The following DNER variants were observed in gnomAD, a reference collection of about 807,000 sequenced individuals.
The protein encoded by DNER is delta/notch like EGF repeat containing.
A neutral mutation model predicts 78.2 loss-of-function variants in DNER; 33 were observed. The ratio of observed to expected loss-of-function variants is 0.42; its 90% CI spans 0.32 to 0.56. DNER has a LOEUF of 0.56. Ranked by LOEUF, DNER falls within the 20% of genes least tolerant of loss-of-function variation. The probability of loss-of-function intolerance (pLI) is 0.11; values close to 1 mark genes in which losing one functional copy is unlikely to be tolerated. For missense variants in DNER, 918 were observed against 975.3 expected, an observed-to-expected ratio of 0.94 and a Z score of 0.78; for synonymous variants, 417 against 384.8, an observed-to-expected ratio of 1.08 and a Z score of -0.98.
intron 1 of DNER, among the ~76,000 whole-genome samples, chr2:229,674,503 T>C (rs1256403009): frequency 6.6e-6 from 1 of 152,194 alleles, no homozygotes. Flanking sequence ...GGCCTCGAAC[T>C]CCTGACCTCA....
intron 11 of DNER, among the ~76,000 whole-genome samples, chr2:229,383,161 T>A (rs1692783200): frequency 6.6e-6 from 1 of 152,178 alleles, no homozygotes; most frequent in Non-Finnish European, 1.5e-5. Context: ...CCAGCCAACC[T>A]AAGTTTCGTA....
At chr2:229,451,081 G>A (rs1694445909) in intron 7 of DNER, among the ~76,000 whole-genome samples, 1 of 152,154 alleles carries the variant, frequency 6.6e-6, no homozygotes, top group Non-Finnish European at 1.5e-5. Flanking sequence ...AGTCACTGTG[G>A]GTTCTGAAAA....
intron 11 of DNER, among the ~76,000 whole-genome samples, chr2:229,368,243 G>T (rs546810434): frequency 6.6e-6 from 1 of 152,134 alleles, no homozygotes; most frequent in East Asian, 1.9e-4. Flanking sequence ...CATGCCTGTG[G>T]TCCTGGCTAC....
At position 229,463,039 on chromosome 2, in the gene DNER, G is replaced by GCTCACCCCTT. The variant is rs1043422289; in HGVS notation, c.1261+14091_1261+14100dup. On this transcript the variant is annotated intron_variant, in intron 7 of 12. Coordinates refer to ENST00000341772, the MANE Select transcript of DNER (RefSeq NM_139072.4). ...TTCTTATTCTGTATCACAGTACCCT[G>GCTCACCCCTT]CTCACCCCTTTCATAGCACTTTTAT... is the stretch of plus-strand genomic sequence containing the variant. 1.5e-3 allele frequency among the ~76,000 whole-genome samples: 230 copies of GCTCACCCCTT among 152,178 alleles called. 3 individuals are homozygous for GCTCACCCCTT. The highest frequency in any genetic ancestry group is 7.7e-4 in the East Asian group (4 of 5,182).
At chr2:229,410,738 T>A (rs1453375281) in intron 9 of DNER, among the ~76,000 whole-genome samples, 1 of 152,244 alleles carries the variant, frequency 6.6e-6, no homozygotes, top group Non-Finnish European at 1.5e-5. Context: ...AATTTTAGAA[T>A]TGAAATAAGC....
At chr2:229,571,041 G>T (rs563319428) in intron 4 of DNER, among the ~76,000 whole-genome samples, 1 of 152,172 alleles carries the variant, frequency 6.6e-6, no homozygotes, top group Non-Finnish European at 1.5e-5. Context: ...CAGTTGTAGG[G>T]GCCTGGGGTG....
Position 229,591,640 on chromosome 2 carries a change from C to T in DNER, c.525G>A (p.Leu175=). Residue 175 remains leucine (L), a synonymous_variant, in exon 2 of 13, where the codon CTG becomes CTA. Transcript: ENST00000341772. This position sits in a 1 kb window ranked among gnomAD's most constrained non-coding sequence, Gnocchi z 4.6. ...ILPRSQATVT[L]PTWQPKTGQK... ...GCCCTGTTTTCGGCTGCCAGGTAGG[C>T]AGTGTCACCGTTGCCTGAGAGCGAG... The T allele has an allele frequency of 6.2e-7, 1 of 1,614,182 alleles. No homozygotes were observed. Among genetic ancestry groups the T allele is most frequent in the Non-Finnish European group, 8.5e-7 (1 of 1,180,024 alleles).
intron 11 of DNER, among the ~76,000 whole-genome samples, chr2:229,378,160 G>C (rs989398578): frequency 1.3e-5 from 2 of 152,170 alleles, no homozygotes; most frequent in Non-Finnish European, 2.9e-5. Flanking sequence ...TTCTCCCCTA[G>C]AGCCTCCAGA....
At chr2:229,630,964 T>G (rs933283250) in intron 1 of DNER, among the ~76,000 whole-genome samples, 1 of 126,254 alleles carries the variant, frequency 7.9e-6, no homozygotes, top group African/African-American at 2.5e-5. Context: ...GGAAAGGACA[T>G]GATTTCATTC....
At chr2:229,573,339 GCA>G (rs1446261269) in intron 4 of DNER, among the ~76,000 whole-genome samples, 19 of 152,154 alleles carry the variant, frequency 1.2e-4, no homozygotes, top group Non-Finnish European at 2.9e-5. Context: ...AAGCAAGACA[GCA>G]TTTTCAAAAT....
At chr2:229,711,020 C>CAG (rs779224355) in intron 1 of DNER, among the ~76,000 whole-genome samples, 2 of 150,956 alleles carry the variant, frequency 1.3e-5, no homozygotes, top group African/African-American at 4.9e-5. Flanking sequence ...CACACACACA[C>CAG]AGGATACAAA....
At chr2:229,607,315 A>G (rs1414501090) in intron 1 of DNER, among the ~76,000 whole-genome samples, 1 of 152,200 alleles carries the variant, frequency 6.6e-6, no homozygotes, top group Admixed American at 6.5e-5. Flanking sequence ...TATATCTGGC[A>G]TGGTTCTCGT....
chr2:229,369,052 C>A (rs1464466363), intron 11 of DNER, among the ~76,000 whole-genome samples: 1 of 152,150 alleles, frequency 6.6e-6, no homozygotes, highest in Admixed American at 6.5e-5. Context: ...TGCTTTCAAT[C>A]CAGCTCCTAC....
At chr2:229,673,851 C>T (rs539771192) in intron 1 of DNER, among the ~76,000 whole-genome samples, 13 of 152,358 alleles carry the variant, frequency 8.5e-5, no homozygotes, top group East Asian at 3.9e-4. Flanking sequence ...CTGACGCATA[C>T]GGACAAACAC....
intron 5 of DNER, among the ~76,000 whole-genome samples, chr2:229,543,475 G>A (rs1049683847): frequency 3.9e-5 from 6 of 152,184 alleles, no homozygotes; most frequent in Admixed American, 6.5e-5. Context: ...AGGGCCACCC[G>A]TAATAAAAGA....
At chr2:229,640,179 T>C (rs757942107) in intron 1 of DNER, among the ~76,000 whole-genome samples, 4 of 152,234 alleles carry the variant, frequency 2.6e-5, no homozygotes, top group Non-Finnish European at 5.9e-5. Flanking sequence ...TATAAAAGGC[T>C]AATATCAGCC....
chr2:229,538,324 T>C (rs1277253777), intron 5 of DNER, among the ~76,000 whole-genome samples: 2 of 152,168 alleles, frequency 1.3e-5, no homozygotes, highest in Non-Finnish European at 1.5e-5. Context: ...GTCATAAAGC[T>C]ATTTAGTCAA....
intron 11 of DNER, among the ~76,000 whole-genome samples, chr2:229,369,238 T>C (rs1364265436): frequency 6.6e-6 from 1 of 151,638 alleles, no homozygotes; most frequent in African/African-American, 2.4e-5. Flanking sequence ...TTTAACTTCC[T>C]AAAAAGTTTA....
intron 4 of DNER, among the ~76,000 whole-genome samples, chr2:229,549,091 T>A (rs922551279): frequency 1.5e-4 from 23 of 152,178 alleles, no homozygotes; most frequent in African/African-American, 5.1e-4. Flanking sequence ...TAAGAAACGC[T>A]GTTACGCATA....
Sources: allele counts gnomAD v4.1 joint callset (sites outside exome capture counted in the v4.1 genomes callset), GRCh38; gene constraint gnomAD v4.1.1; non-coding constraint Gnocchi (gnomAD v3.1); transcripts MANE v1.5; gene names NCBI Gene and HGNC (gene_info 2026-07-23, HGNC 2026-07-21).